Variants in TMIGD3 observed in about 807,000 individuals in gnomAD.
TMIGD3 encodes the protein AD026 protein (AD026).
A neutral mutation model predicts 28.1 loss-of-function variants in TMIGD3; 21 were observed. The observed-to-expected ratio is 0.75, with a 90% CI of 0.53 to 1.08. TMIGD3 has a LOEUF of 1.08. Among genes scored for constraint, TMIGD3 ranks in the 50% least tolerant of loss-of-function variants. TMIGD3 has a pLI of 0.00. For missense variants in TMIGD3, 416 were observed against 435.6 expected (o/e 0.96, Z 0.40); for synonymous variants, 151 against 162.1 (o/e 0.93, Z 0.52).
At chr1:111,538,277 C>A (rs1296763637) in intron 1 of TMIGD3, among the ~76,000 whole-genome samples, 1 of 152,196 alleles carries the variant, frequency 6.6e-6, no homozygotes, top group African/African-American at 2.4e-5. Flanking sequence ...CTGGGCGACT[C>A]CTTGCTCTCA....
Position 111,503,262 on chromosome 1 carries a change from C to G in TMIGD3, c.93G>C (p.Val31=). The G allele has an allele frequency of 1.2e-6, 2 of 1,614,216 alleles. No homozygotes were observed. The highest frequency in any genetic ancestry group is 1.7e-6 in the Non-Finnish European group (2 of 1,180,022). ...TCAGCTTGACCACGCAGATGACCAG[C>G]ACGTTGCCCACTATGGCGCAGAGTC... ...FIGLCAIVGN[V]LVICVVKLNP... Residue 31 remains valine (V), a synonymous_variant, in exon 1 of 6, where the codon GTG becomes GTC. Coordinates refer to ENST00000369716, the MANE Select transcript of TMIGD3 (RefSeq NM_020683.7).
intron 1 of TMIGD3, among the ~76,000 whole-genome samples, chr1:111,557,118 A>C (rs1657525543): frequency 6.6e-6 from 1 of 152,110 alleles, no homozygotes; most frequent in Non-Finnish European, 1.5e-5. Flanking sequence ...AGTTAGAAAG[A>C]TATTACCTAC....
chr1:111,486,479 G>A, intron 4 of TMIGD3, 107 bp downstream of exon 4: 1 of 788,442 alleles, frequency 1.3e-6, no homozygotes, highest in Non-Finnish European at 2.2e-6. Context: ...ATGTGCAGTA[G>A]AAAAGTTGTC....
At chr1:111,563,778 G>T in intron 1 of TMIGD3, 1 of 1,145,798 alleles carries the variant, frequency 8.7e-7, no homozygotes, top group Non-Finnish European at 1.3e-6. Context: ...ATGTTCCAAA[G>T]TGGTCAGTAT....
At chr1:111,548,504 A>G (rs1318300934) in intron 1 of TMIGD3, among the ~76,000 whole-genome samples, 2 of 152,188 alleles carry the variant, frequency 1.3e-5, no homozygotes, top group Non-Finnish European at 2.9e-5. Flanking sequence ...TCTGGGCACA[A>G]TGGTTTTGGC....
At chr1:111,527,437 T>G (rs1223660850) in intron 1 of TMIGD3, among the ~76,000 whole-genome samples, 1 of 152,248 alleles carries the variant, frequency 6.6e-6, no homozygotes, top group East Asian at 1.9e-4. Context: ...ACTTCCAAGT[T>G]TTGGCAATTA....
chr1:111,489,685 C>A, intron 2 of TMIGD3: 1 of 1,081,824 alleles, frequency 9.2e-7, no homozygotes. Flanking sequence ...GCCCTCTGTC[C>A]CTAGCTCCCA....
chr1:111,503,328 T>C lies in TMIGD3; in HGVS notation c.27A>G (p.Ser9=). 2.5e-6 allele frequency: 4 copies of C among 1,613,674 alleles called. No individual in the cohort carries two copies. Among genetic ancestry groups the C allele is most frequent in the Non-Finnish European group, 3.4e-6 (4 of 1,179,784 alleles). The change falls in exon 1 of 6, where the codon TCA becomes TCG. Residue 9 remains serine (S), a synonymous_variant. Transcript: ENST00000369716. ...TGGTGATGTAGGTAACATTGGCCAA[T>C]GACAGAGCAGTGCTGTTGTTGGGCA... MPNNSTAL[S]LANVTYITME...
At chr1:111,506,897 A>AAAAT (rs1553201727), upstream of TMIGD3, among the ~76,000 whole-genome samples, 5 of 131,470 alleles carry the variant, frequency 3.8e-5, no homozygotes, top group African/African-American at 5.9e-5. Flanking sequence ...AAAAACAAAA[A>AAAAT]ATATATATAT....
At chr1:111,504,955 TA>T, upstream of TMIGD3, 1 of 985,324 alleles carries the variant, frequency 1.0e-6, no homozygotes, top group Non-Finnish European at 1.2e-6. Flanking sequence ...TCCATCATTC[TA>T]GTATTTTCCA....
At chr1:111,500,878 C>T in intron 1 of TMIGD3, 1 of 450,844 alleles carries the variant, frequency 2.2e-6, no homozygotes, top group Non-Finnish European at 3.9e-6. Flanking sequence ...CTCAGGGCTC[C>T]ACTTACTGAG....
Position 111,531,954 on chromosome 1 carries a change from GA to G in TMIGD3, c.107+31891del, listed in dbSNP as rs138845380. 4.9e-3 allele frequency among the ~76,000 whole-genome samples: 753 copies of G among 152,152 alleles called. 2 individuals carry two copies. Among genetic ancestry groups the G allele is most frequent in the African/African-American group, 0.017 (712 of 41,526 alleles). ...TAACTAAAAATAAAGAAAAACAAAG[GA>G]AAAAAACTTTGTTAGATGCGACTGT... is the stretch of plus-strand genomic sequence containing the variant. On this transcript the variant is annotated intron_variant, in intron 1 of 5. Transcript: ENST00000369717.
chr1:111,500,676 A>G (rs371750223), intron 1 of TMIGD3: 2 of 988,910 alleles, frequency 2.0e-6, no homozygotes, highest in South Asian at 3.1e-5. Context: ...TAATTCTCCA[A>G]TCTTCTGCTA....
chr1:111,535,400 C>T (rs561258736), intron 1 of TMIGD3, among the ~76,000 whole-genome samples: 1 of 152,310 alleles, frequency 6.6e-6, no homozygotes, highest in East Asian at 1.9e-4. Context: ...ATTTCAGGCA[C>T]CATCTGATTA....
At chr1:111,493,640 T>C (rs1010938635) in intron 1 of TMIGD3, among the ~76,000 whole-genome samples, 3 of 152,152 alleles carry the variant, frequency 2.0e-5, no homozygotes, top group Admixed American at 1.3e-4. Flanking sequence ...AAGTTTTCCA[T>C]AAGAAAAAGT....
chr1:111,528,582 G>C (rs540357017), intron 1 of TMIGD3, among the ~76,000 whole-genome samples: 1 of 152,180 alleles, frequency 6.6e-6, no homozygotes, highest in East Asian at 1.9e-4. Context: ...TATAGATATA[G>C]TTTCAGAACT....
intron 1 of TMIGD3, among the ~76,000 whole-genome samples, chr1:111,497,402 A>T (rs150117725): frequency 6.6e-6 from 1 of 152,242 alleles, no homozygotes; most frequent in East Asian, 1.9e-4. Flanking sequence ...GAGCCACTGC[A>T]CCCGGCTCCT....
chr1:111,487,428 A>G (rs991708284), intron 3 of TMIGD3, among the ~76,000 whole-genome samples: 4 of 152,016 alleles, frequency 2.6e-5, no homozygotes, highest in Non-Finnish European at 4.4e-5. Flanking sequence ...TTGTTTTCCT[A>G]CCAGCATTGT....
chr1:111,534,696 C>T (rs894095671), intron 1 of TMIGD3, among the ~76,000 whole-genome samples: 3 of 152,066 alleles, frequency 2.0e-5, no homozygotes, highest in Admixed American at 1.3e-4. Flanking sequence ...TCTGGGAGCA[C>T]ATGAATGATG....
Sources: allele counts gnomAD v4.1 joint callset (sites outside exome capture counted in the v4.1 genomes callset), GRCh38; gene constraint gnomAD v4.1.1; transcripts MANE v1.5; gene names NCBI Gene and HGNC (gene_info 2026-07-23, HGNC 2026-07-21).